DGKI: variants seen among roughly 807,000 people sequenced by gnomAD.
The protein encoded by DGKI is diacylglycerol kinase iota, also known as DAG kinase iota.
Under a neutral mutation model 147.5 loss-of-function variants are expected in DGKI, and 55 were observed. The observed-to-expected ratio is 0.37, with a 90% CI of 0.30 to 0.47. The LOEUF (loss-of-function observed/expected upper bound fraction) is 0.47. Ranked by LOEUF, DGKI falls within the 20% of genes least tolerant of loss-of-function variation. DGKI has a pLI of 1.00. For synonymous variants in DGKI, 469 were observed against 477.1 expected, an observed-to-expected ratio of 0.98 and a Z score of 0.22; for missense variants, 1,007 against 1,323.8, an observed-to-expected ratio of 0.76 and a Z score of 3.71.
chr7:137,660,693 A>AT (rs1002577087), intron 3 of DGKI, among the ~76,000 whole-genome samples: 2 of 152,072 alleles, frequency 1.3e-5, no homozygotes, highest in South Asian at 2.1e-4. Context: ...CAAGAAAGCT[A>AT]TTTTTTTTCT....
chr7:137,790,157 G>A (rs1016539008), intron 1 of DGKI, among the ~76,000 whole-genome samples: 8 of 151,942 alleles, frequency 5.3e-5, no homozygotes, highest in Non-Finnish European at 8.8e-5. Context: ...AACAGCCAGC[G>A]AGATCTGGTC....
chr7:137,565,450 T>A (rs1184760814), intron 19 of DGKI, among the ~76,000 whole-genome samples: 1 of 152,204 alleles, frequency 6.6e-6, no homozygotes. Context: ...AACAAAGATA[T>A]ATGGTAAGTG....
intron 19 of DGKI, among the ~76,000 whole-genome samples, chr7:137,555,369 T>A (rs1177991723): frequency 6.6e-6 from 1 of 151,684 alleles, no homozygotes; most frequent in Non-Finnish European, 1.5e-5. Context: ...CTACAAAAAA[T>A]TTAAAAATCA....
intron 1 of DGKI, among the ~76,000 whole-genome samples, chr7:137,820,541 C>T (rs148202371): frequency 9.9e-5 from 15 of 152,258 alleles, no homozygotes; most frequent in Middle Eastern, 3.4e-3. Context: ...GTAAAACAGG[C>T]GGGCAAATGC....
At chr7:137,471,212 G>A (rs1814869694) in intron 23 of DGKI, among the ~76,000 whole-genome samples, 1 of 152,118 alleles carries the variant, frequency 6.6e-6, no homozygotes, top group Non-Finnish European at 1.5e-5. Context: ...AGGGAGGCCA[G>A]GTCTCTGTGG....
At chr7:137,649,761 T>G in intron 5 of DGKI, among the ~76,000 whole-genome samples, 1 of 147,406 alleles carries the variant, frequency 6.8e-6, no homozygotes, top group South Asian at 2.1e-4. Flanking sequence ...ATAAAAAATT[T>G]TATATATATA....
At chr7:137,606,757 C>A (rs980635089) in intron 10 of DGKI, among the ~76,000 whole-genome samples, 3 of 152,172 alleles carry the variant, frequency 2.0e-5, no homozygotes, top group African/African-American at 7.2e-5. Flanking sequence ...AGACGTGATT[C>A]CATAGGATCA....
At chr7:137,499,611 C>T (rs1426080417) in intron 21 of DGKI, among the ~76,000 whole-genome samples, 1 of 152,130 alleles carries the variant, frequency 6.6e-6, no homozygotes, top group Non-Finnish European at 1.5e-5. Context: ...GACATCATGG[C>T]TCCTGGTTCT....
At chr7:137,493,675 C>T (rs1182030716) in intron 21 of DGKI, 1 of 688,752 alleles carries the variant, frequency 1.5e-6, no homozygotes, top group East Asian at 2.7e-5. Flanking sequence ...ACCAAAAAAA[C>T]ATCTAAAAGA....
chr7:137,522,708 A>G (rs1450386005), intron 20 of DGKI, among the ~76,000 whole-genome samples: 1 of 152,074 alleles, frequency 6.6e-6, no homozygotes, highest in Non-Finnish European at 1.5e-5. Flanking sequence ...TCACTCCCCA[A>G]ATGTCTGTAA....
chr7:137,666,796 A>G (rs910296688), intron 3 of DGKI, among the ~76,000 whole-genome samples: 3 of 152,144 alleles, frequency 2.0e-5, no homozygotes, highest in Middle Eastern at 3.2e-3. Context: ...AGCCTAATGA[A>G]CTTGAAGAAA....
chr7:137,414,065 T>C (rs947577536), intron 28 of DGKI, among the ~76,000 whole-genome samples: 11 of 152,214 alleles, frequency 7.2e-5, no homozygotes, highest in Non-Finnish European at 1.5e-4. Context: ...TAGTCTCTCA[T>C]ACAGAGTTAG....
chr7:137,472,452 G>A (rs577991388), intron 23 of DGKI, among the ~76,000 whole-genome samples: 11 of 92,890 alleles, frequency 1.2e-4, no homozygotes, highest in Non-Finnish European at 1.5e-4. Flanking sequence ...ATATATAAAC[G>A]TATATATTAT....
chr7:137,582,434 C>CTCTCTCTATA (rs954743154), intron 14 of DGKI, among the ~76,000 whole-genome samples: 40 of 148,444 alleles, frequency 2.7e-4, no homozygotes, highest in African/African-American at 9.5e-4. Context: ...CTCTCTCTCT[C>CTCTCTCTATA]TATATATATA....
chr7:137,452,723 G>A (rs1585128489), intron 27 of DGKI: 1 of 152,158 alleles, frequency 6.6e-6, no homozygotes, highest in South Asian at 2.1e-4. Context: ...AGCTCTGAAT[G>A]TTCTTTCTCT....
Position 137,587,154 on chromosome 7 carries a change from C to T in DGKI, c.1368G>A (p.Val456=). Residue 456 remains valine, a synonymous_variant, in exon 13 of 33, where the codon GTG becomes GTA. Coordinates refer to ENST00000614521, the MANE Select transcript of DGKI (RefSeq NM_001321708.2). ...TCCCAGTCCCCAGAGGAAGGACCCCCACAGGAGGCTGAGGGCTCAGCTGCA... is the reference window on the plus strand; with the variant it reads ...TCCCAGTCCCCAGAGGAAGGACCCCTACAGGAGGCTGAGGGCTCAGCTGCA... ...DELQLSPQPP[V]GVLPLGTGND... 2.5e-6 allele frequency: 4 copies of T among 1,613,116 alleles called. No individual in the cohort carries two copies. Among genetic ancestry groups the T allele is most frequent in the East Asian group, 2.2e-5 (1 of 44,766 alleles).
chr7:137,845,261 A>T (rs966677749), intron 1 of DGKI, among the ~76,000 whole-genome samples: 1 of 152,202 alleles, frequency 6.6e-6, no homozygotes, highest in African/African-American at 2.4e-5. Flanking sequence ...CCTCCAGGCC[A>T]GGCGATGTCT....
intron 6 of DGKI, among the ~76,000 whole-genome samples, chr7:137,638,156 C>G (rs1232373543): frequency 6.6e-6 from 1 of 152,050 alleles, no homozygotes; most frequent in Non-Finnish European, 1.5e-5. Context: ...CACAGCTCAG[C>G]TTGTAAATAT....
At chr7:137,554,515 T>A (rs1818155721) in intron 19 of DGKI, among the ~76,000 whole-genome samples, 1 of 152,178 alleles carries the variant, frequency 6.6e-6, no homozygotes, top group African/African-American at 2.4e-5. Context: ...TCATTGCCAT[T>A]TATTGACCCA....
Sources: gnomAD v4.1 joint callset for allele counts (sites outside exome capture counted in the v4.1 genomes callset) on GRCh38, gnomAD v4.1.1 for gene constraint, MANE v1.5 for transcripts, NCBI Gene and HGNC (gene_info 2026-07-23, HGNC 2026-07-21) for gene names.